The following LRRIQ1 variants were observed in gnomAD, a reference collection of about 807,000 sequenced individuals.
LRRIQ1 encodes leucine-rich repeat- and IQ domain-containing protein 1.
In LRRIQ1, 210 loss-of-function variants were observed where a neutral mutation model predicts 211.9. The observed-to-expected ratio is 0.99, with a 90% CI of 0.89 to 1.11. LRRIQ1 has a LOEUF of 1.11. LRRIQ1 is among the 50% of genes most tolerant of loss of function. LRRIQ1 has a pLI of 0.00. For synonymous variants in LRRIQ1, 699 were observed against 650.1 expected, an observed-to-expected ratio of 1.08 and a Z score of -1.14; for missense variants, 2,136 against 1,939.5, an observed-to-expected ratio of 1.10 and a Z score of -1.90.
At chr12:85,096,360 A>G (rs1036345947) in intron 11 of LRRIQ1, among the ~76,000 whole-genome samples, 8 of 152,036 alleles carry the variant, frequency 5.3e-5, no homozygotes, top group Non-Finnish European at 8.8e-5. Flanking sequence ...GGTATATTGT[A>G]TATCCTTTTT....
At chr12:85,196,761 G>A (rs1418659308) in intron 24 of LRRIQ1, among the ~76,000 whole-genome samples, 1 of 151,348 alleles carries the variant, frequency 6.6e-6, no homozygotes, top group Non-Finnish European at 1.5e-5. Context: ...CAGGACATAG[G>A]CATGGGCAAG....
At chr12:85,089,451 G>T (rs1885159305) in intron 11 of LRRIQ1, among the ~76,000 whole-genome samples, 1 of 152,214 alleles carries the variant, frequency 6.6e-6, no homozygotes, top group South Asian at 2.1e-4. Flanking sequence ...ATAAATGGTT[G>T]TTGCCAAAAT....
intron 24 of LRRIQ1, among the ~76,000 whole-genome samples, chr12:85,205,182 C>T (rs1055639737): frequency 2.6e-5 from 4 of 152,118 alleles, no homozygotes; most frequent in African/African-American, 7.2e-5. Context: ...CCTTGCCTTC[C>T]TCCATGATTG....
chr12:85,126,364 G>A (rs1389498364), intron 17 of LRRIQ1, among the ~76,000 whole-genome samples: 1 of 150,950 alleles, frequency 6.6e-6, no homozygotes, highest in African/African-American at 2.5e-5. Context: ...GGTTTGATGT[G>A]TTTTCCCATA....
intron 11 of LRRIQ1, among the ~76,000 whole-genome samples, chr12:85,087,865 A>G (rs1884987447): frequency 1.3e-5 from 2 of 152,166 alleles, no homozygotes; most frequent in Non-Finnish European, 2.9e-5. Flanking sequence ...AGATGGGTAG[A>G]TTGCAAAAAT....
At chr12:85,126,496 A>G (rs1056958138) in intron 17 of LRRIQ1, among the ~76,000 whole-genome samples, 62 of 152,204 alleles carry the variant, frequency 4.1e-4, no homozygotes, top group African/African-American at 1.4e-3. Context: ...AGATGAAGTA[A>G]TGAATGGATG....
intron 24 of LRRIQ1, among the ~76,000 whole-genome samples, chr12:85,163,572 A>C (rs1394511914): frequency 3.3e-5 from 5 of 152,160 alleles, no homozygotes; most frequent in African/African-American, 1.2e-4. Context: ...ATTACTTTCT[A>C]TCTCCACTCT....
chr12:85,146,980 T>C (rs1889934270), intron 19 of LRRIQ1, among the ~76,000 whole-genome samples: 1 of 151,792 alleles, frequency 6.6e-6, no homozygotes, highest in African/African-American at 2.4e-5. Context: ...ACTGCAAGAA[T>C]ATGATATTTT....
chr12:85,124,073 T>C lies in LRRIQ1; in HGVS notation c.3561T>C (p.Asp1187=), dbSNP rs1228663370. The change falls in exon 17 of 27, where the codon GAT becomes GAC. Residue 1187 remains aspartate, a synonymous_variant. Coordinates refer to ENST00000393217, the MANE Select transcript of LRRIQ1 (RefSeq NM_001079910.2). ...TTCTCATCATTTATTTGTTCAGAGA[T>C]GTATTTACCTTGGATACTGCAGAAA... is the stretch of plus-strand genomic sequence containing the variant. ...LIENYITGKG[D]VFTLDTAENL... is the part of the protein sequence containing the mutation. 2.5e-6 allele frequency: 4 copies of C among 1,595,902 alleles called. No individual in the cohort carries two copies. In the East Asian group the frequency reaches 6.7e-5, roughly 27 times the overall value.
chr12:85,076,506 A>G (rs1883669928), intron 11 of LRRIQ1: 2 of 313,064 alleles, frequency 6.4e-6, no homozygotes, highest in African/African-American at 2.2e-5. Flanking sequence ...CCTAAAAATT[A>G]TCATGTAAAT....
intron 24 of LRRIQ1, among the ~76,000 whole-genome samples, chr12:85,226,733 G>A (rs1272714828): frequency 2.0e-4 from 25 of 127,016 alleles, no homozygotes; most frequent in African/African-American, 7.7e-4. Context: ...TCTTTTCCAT[G>A]TGTTCCCATT....
At chr12:85,173,756 C>T (rs973791253) in intron 24 of LRRIQ1, among the ~76,000 whole-genome samples, 1 of 152,078 alleles carries the variant, frequency 6.6e-6, no homozygotes, top group Non-Finnish European at 1.5e-5. Context: ...TAATTTAACC[C>T]TAATTACCTC....
intron 24 of LRRIQ1, among the ~76,000 whole-genome samples, chr12:85,192,792 T>C (rs1232950873): frequency 9.5e-6 from 1 of 105,514 alleles, no homozygotes; most frequent in African/African-American, 3.8e-5. Flanking sequence ...TAAATATATA[T>C]AGTTATATAC....
In LRRIQ1 at chr12:85,104,096, A is replaced by G. The variant is rs747924130; in HGVS notation, c.3283+19A>G. 1.6e-6 allele frequency: 2 copies of G among 1,239,982 alleles called. No individual in the cohort carries two copies. Among genetic ancestry groups the G allele is most frequent in the South Asian group, 3.9e-5 (2 of 51,364 alleles). The allele number at this position is 1,239,982 out of a possible 1,614,324, so 76.8% of individuals were successfully genotyped here. A position where few individuals can be genotyped will look rare whatever the true frequency, so the allele number is the denominator to read the frequency against. ...CTTTCTGGTAAGTTTAGCATAATAT[A>G]TATATTTTAATAATAGACTTTTGAC... On this transcript the variant is annotated intron_variant, in intron 14 of 26. Coordinates refer to ENST00000393217, the MANE Select transcript of LRRIQ1 (RefSeq NM_001079910.2).
chr12:85,050,116 C>G (rs542501084), intron 6 of LRRIQ1, among the ~76,000 whole-genome samples: 1 of 152,168 alleles, frequency 6.6e-6, no homozygotes, highest in Admixed American at 6.5e-5. Flanking sequence ...CACTTATCAC[C>G]AAGGGGATGG....
intron 2 of LRRIQ1, 143 bp downstream of exon 2, chr12:85,038,451 ATATAGTCACC>A (rs1417121143): frequency 5.1e-6 from 2 of 395,032 alleles, no homozygotes; most frequent in Admixed American, 5.0e-5. Context: ...TATTGAATAT[ATATAGTCACC>A]TATACATCTT....
At chr12:85,214,582 G>T (rs1001982620) in intron 24 of LRRIQ1, among the ~76,000 whole-genome samples, 23 of 152,092 alleles carry the variant, frequency 1.5e-4, no homozygotes, top group African/African-American at 5.3e-4. Context: ...CAAGACAGAG[G>T]CCCATACATA....
intron 24 of LRRIQ1, among the ~76,000 whole-genome samples, chr12:85,214,605 G>A (rs1035179550): frequency 6.6e-6 from 1 of 151,978 alleles, no homozygotes; most frequent in South Asian, 2.1e-4. Context: ...ATGTTTAGTT[G>A]ATATTGTTAT....
chr12:85,072,334 T>A (rs189130828), intron 10 of LRRIQ1, among the ~76,000 whole-genome samples: 122 of 152,122 alleles, frequency 8.0e-4, no homozygotes, highest in African/African-American at 2.8e-3. Context: ...GTCTTGCTAA[T>A]CTAATATGTG....
Sources: allele counts gnomAD v4.1 joint callset (sites outside exome capture counted in the v4.1 genomes callset), GRCh38; gene constraint gnomAD v4.1.1; transcripts MANE v1.5; gene names NCBI Gene and HGNC (gene_info 2026-07-23, HGNC 2026-07-21).